ACP6: variants seen among roughly 807,000 people sequenced by gnomAD.
ACP6 encodes the protein acid phosphatase 6, lysophosphatidic.
In ACP6, 48 loss-of-function variants were observed where a neutral mutation model predicts 48.1. That is an observed-to-expected ratio of 1.00 (90% confidence interval 0.79 to 1.27). The LOEUF (loss-of-function observed/expected upper bound fraction) is 1.27. ACP6 is among the 50% of genes most tolerant of loss of function. The pLI is 0.00. For synonymous variants in ACP6, 172 were observed against 204.2 expected (o/e 0.84, Z 1.34); for missense variants, 485 against 529.1 (o/e 0.92, Z 0.82).
In ACP6 at chr1:147,655,208, G is replaced by A. The variant is rs1553211402; in HGVS notation, c.600C>T (p.Val200=). The change falls in exon 5 of 10, where the codon GTC becomes GTT. Residue 200 remains valine, a synonymous_variant. Transcript: ENST00000583509. Reference sequence around the variant, plus strand: ...AGCAGCTTTGGTAGTTGGGATACAAGACTTCTGAATCTGCTTCATCAGTGT... The same window carrying A: ...AGCAGCTTTGGTAGTTGGGATACAAAACTTCTGAATCTGCTTCATCAGTGT... The part of the protein sequence containing the change: ...IIHTDEADSE[V]LYPNYQSCWS... 6.2e-7 allele frequency: 1 copy of A among 1,609,208 alleles called. No homozygotes were observed. The highest frequency in any genetic ancestry group is 1.3e-5 in the African/African-American group (1 of 74,862).
At chr1:147,655,773 T>C (rs1012725672) in intron 4 of ACP6, among the ~76,000 whole-genome samples, 1 of 152,224 alleles carries the variant, frequency 6.6e-6, no homozygotes, top group Non-Finnish European at 1.5e-5. Flanking sequence ...GGCTTTTAGA[T>C]GAATTGCTGG....
At chr1:147,634,972 A>G (rs1553207829) in intron 5 of ACP6, among the ~76,000 whole-genome samples, 4 of 152,230 alleles carry the variant, frequency 2.6e-5, no homozygotes, top group Non-Finnish European at 5.9e-5. Context: ...GAGAAAGGAA[A>G]TAGTTCAGCC....
exon 6 of ACP6, chr1:147,630,156 G>C (rs1659124628): frequency 6.6e-6 from 1 of 152,194 alleles, no homozygotes; most frequent in African/African-American, 2.4e-5. Flanking sequence ...AAGAGACCCA[G>C]CCCTAGGAAA....
In ACP6 at chr1:147,669,822, C is replaced by T. The variant is rs782544585; in HGVS notation, c.219+8G>A. On this transcript the variant is annotated splice_region_variant and intron_variant, in intron 1 of 9. Coordinates refer to ENST00000583509, the MANE Select transcript of ACP6 (RefSeq NM_016361.5). ...CCCCACCAGCCCCAGCCCGGGCCGA[C>T]CTCTCACCTGCTCCTCCAGCGGGAG... 1.3e-6 allele frequency: 2 copies of T among 1,571,382 alleles called. No individual in the cohort carries two copies. Among genetic ancestry groups the T allele is most frequent in the Non-Finnish European group, 1.7e-6 (2 of 1,154,554 alleles).
At chr1:147,666,552 A>G (rs1399520423) in intron 1 of ACP6, among the ~76,000 whole-genome samples, 2 of 152,218 alleles carry the variant, frequency 1.3e-5, no homozygotes, top group African/African-American at 4.8e-5. Flanking sequence ...TTTAAAAGTT[A>G]CTGATGCCTG....
At chr1:147,649,951 C>T in intron 8 of ACP6, 192 bp downstream of exon 8, 1 of 523,898 alleles carries the variant, frequency 1.9e-6, no homozygotes, top group Non-Finnish European at 3.3e-6. Context: ...ATTTTCAAAA[C>T]ATGGTAGGAG....
At chr1:147,640,595 C>T (rs954885440), downstream of ACP6, among the ~76,000 whole-genome samples, 26 of 152,148 alleles carry the variant, frequency 1.7e-4, no homozygotes, top group African/African-American at 6.3e-4. Flanking sequence ...TAAAGATATA[C>T]AGGCTTATCA....
At chr1:147,650,426 T>G in intron 7 of ACP6, 188 bp from the exon 8 acceptor site, 1 of 516,502 alleles carries the variant, frequency 1.9e-6, no homozygotes, top group Non-Finnish European at 3.4e-6. Flanking sequence ...CCTCTGTGAA[T>G]GAAGACTCCC....
Position 147,645,195 on chromosome 1 carries a change from TATA to T in ACP6, c.*2225_*2227del, listed in dbSNP as rs1353267491. ...ATTACATCACATTGTACTCCATAAA[TATA>T]ATAATTTTATAAAATTATAATAATT... On this transcript the variant is annotated 3_prime_UTR_variant, in exon 10 of 10. Transcript: ENST00000583509. The T allele has an allele frequency of 7.3e-5, 11 of 149,990 alleles. No homozygotes were observed. In the East Asian group the frequency reaches 2.1e-3, roughly 29 times the overall value. The allele number at this position is 149,990 out of a possible 1,614,324, so 9.3% of individuals were successfully genotyped here.
intron 1 of ACP6, among the ~76,000 whole-genome samples, chr1:147,662,983 G>C (rs1660621763): frequency 6.6e-6 from 1 of 152,146 alleles, no homozygotes; most frequent in Admixed American, 6.5e-5. Context: ...CCCTCCACTG[G>C]CAAAAAGATC....
In ACP6 at chr1:147,643,080, T is replaced by C. The variant is rs1363340755; in HGVS notation, c.*4343A>G. On this transcript the variant is annotated 3_prime_UTR_variant, in exon 10 of 10. Transcript: ENST00000583509. ...TTATAAGGATTCCAGTCATATTGGA[T>C]TACAGCCTACCCATATGACCTCATT... 2.0e-5 allele frequency: 3 copies of C among 152,166 alleles called. No individual in the cohort carries two copies. The highest frequency in any genetic ancestry group is 7.2e-5 in the African/African-American group (3 of 41,426). 9.4% of individuals were successfully genotyped at this position (152,166 alleles called of 1,614,324 possible). A position where few individuals can be genotyped will look rare whatever the true frequency, so the allele number is the denominator to read the frequency against.
rs1553214420 is a variant in ACP6, at chr1:147,670,009, C to A, written c.40G>T (p.Val14Leu). Residue 14 changes from valine (V) to leucine (L), a missense_variant, in exon 1 of 10, where the codon GTG becomes TTG. Val to Leu is a conservative substitution (Grantham distance 32). Transcript: ENST00000583509. ...GVFSMRLWTPVGVLTSLAYCL... is the reference protein window; with the variant it reads ...GVFSMRLWTPLGVLTSLAYCL... ...TACGCCAGCGAGGTCAGGACGCCCA[C>A]TGGGGTCCACAAGCGCATGCTGAAC... 7.8e-6 allele frequency: 12 copies of A among 1,545,828 alleles called. No homozygotes were observed. In the South Asian group the frequency reaches 1.4e-4, roughly 18 times the overall value.
downstream of ACP6, among the ~76,000 whole-genome samples, chr1:147,637,856 C>A (rs1384913030): frequency 1.3e-5 from 2 of 152,168 alleles, no homozygotes; most frequent in South Asian, 4.1e-4. Context: ...AATTAGTCAT[C>A]CAGTAAGTGA....
chr1:147,666,160 A>G (rs1660787969), intron 1 of ACP6, among the ~76,000 whole-genome samples: 1 of 152,220 alleles, frequency 6.6e-6, no homozygotes, highest in Admixed American at 6.5e-5. Flanking sequence ...CTTTTACATA[A>G]AGAAACAAAC....
intron 5 of ACP6, among the ~76,000 whole-genome samples, chr1:147,634,214 C>G (rs894500673): frequency 6.6e-6 from 1 of 152,152 alleles, no homozygotes; most frequent in Non-Finnish European, 1.5e-5. Flanking sequence ...CGTTGAGCAT[C>G]TTTTCATGTG....
chr1:147,658,902 G>A (rs781893818), intron 4 of ACP6, 58 bp downstream of exon 4: 348 of 1,473,326 alleles, frequency 2.4e-4, no homozygotes, highest in Non-Finnish European at 3.0e-4. Flanking sequence ...TAGGGGCTTC[G>A]GAAGTGAGAA....
In ACP6 at chr1:147,647,263, TC is replaced by T. The variant is rs1659664610; in HGVS notation, c.*159del. 1 of 873,830 alleles carries T rather than the reference TC, an allele frequency of 1.1e-6. No homozygotes were observed. The highest frequency in any genetic ancestry group is 2.6e-5 in the East Asian group (1 of 39,022). The allele number at this position is 873,830 out of a possible 1,614,324, so 54.1% of individuals were successfully genotyped here. A position where few individuals can be genotyped will look rare whatever the true frequency, so the allele number is the denominator to read the frequency against. On this transcript the variant is annotated 3_prime_UTR_variant, in exon 10 of 10. Coordinates refer to ENST00000583509, the MANE Select transcript of ACP6 (RefSeq NM_016361.5). ...TCTCAATATTATACCCCTTTTCCGT[TC>T]AGGAAGAAATCTTAGTAAACCCACA...
downstream of ACP6, among the ~76,000 whole-genome samples, chr1:147,639,449 A>T (rs1265528715): frequency 2.6e-5 from 4 of 152,102 alleles, no homozygotes; most frequent in African/African-American, 9.7e-5. Flanking sequence ...AGCTCCAGGG[A>T]CTGCTCTCTC....
Position 147,645,233 on chromosome 1 carries a change from TATA to T in ACP6, c.*2187_*2189del, listed in dbSNP as rs1480300211. Reference sequence around the variant, plus strand: ...TAAAATTATAATAATTTTATAAAAATATAATAATTTTTGTATTTTTAGTAGAGG... The same window carrying T: ...TAAAATTATAATAATTTTATAAAAATATAATTTTTGTATTTTTAGTAGAGG... On this transcript the variant is annotated 3_prime_UTR_variant, in exon 10 of 10. Coordinates refer to ENST00000583509, the MANE Select transcript of ACP6 (RefSeq NM_016361.5). 11 of 151,460 alleles carry T rather than the reference TATA, an allele frequency of 7.3e-5. No homozygotes were observed. The highest frequency in any genetic ancestry group is 2.4e-4 in the African/African-American group (10 of 41,374). The allele number at this position is 151,460 out of a possible 1,614,324, so 9.4% of individuals were successfully genotyped here. A position where few individuals can be genotyped will look rare whatever the true frequency, so the allele number is the denominator to read the frequency against.
Sources: gnomAD v4.1 joint callset for allele counts (sites outside exome capture counted in the v4.1 genomes callset) on GRCh38, gnomAD v4.1.1 for gene constraint, MANE v1.5 for transcripts, NCBI Gene and HGNC (gene_info 2026-07-23, HGNC 2026-07-21) for gene names.